Variants in ERG observed in about 807,000 individuals in gnomAD.
ERG encodes transcriptional regulator ERG.
Under a neutral mutation model 55.3 loss-of-function variants are expected in ERG, and 9 were observed. The ratio of observed to expected loss-of-function variants is 0.16; its 90% CI spans 0.10 to 0.28. The LOEUF (loss-of-function observed/expected upper bound fraction) is 0.28, where lower values mean the gene tolerates loss of function less well. Among genes scored for constraint, ERG ranks in the 10% least tolerant of loss-of-function variants. The pLI, the probability that ERG is intolerant of heterozygous loss-of-function variation, is 1.00. For synonymous variants in ERG, 223 were observed against 237.3 expected, an observed-to-expected ratio of 0.94 and a Z score of 0.55; for missense variants, 434 against 631.6, an observed-to-expected ratio of 0.69 and a Z score of 3.35.
rs528654794 is a variant in ERG, at chr21:38,393,366, G to C, written c.746-922C>G. ...AACCTTATTATAATACTCTTGCTAAGAGTGCATAGCTAAGGCTATTTCTAC... is the reference window on the plus strand; with the variant it reads ...AACCTTATTATAATACTCTTGCTAACAGTGCATAGCTAAGGCTATTTCTAC... On this transcript the variant is annotated intron_variant, in intron 6 of 9. Transcript: ENST00000288319. 2.6e-5 allele frequency among the ~76,000 whole-genome samples: 4 copies of C among 152,304 alleles called. No individual in the cohort carries two copies. The South Asian group carries it at 8.3e-4, about 32-fold the overall frequency.
chr21:38,373,766 C>T, the ERG span, among the ~76,000 whole-genome samples: 1 of 152,220 alleles, frequency 6.6e-6, no homozygotes, highest in Non-Finnish European at 1.5e-5. Context: ...AATTCCACAT[C>T]TACTATTGTA....
chr21:38,567,228 G>A (rs2836519), intron 2 of ERG, among the ~76,000 whole-genome samples: 69,210 of 152,052 alleles, frequency 0.46, 18,293 homozygotes, highest in Non-Finnish European at 0.61. Flanking sequence ...CCTGAGGGGT[G>A]CAGGAACCCA....
At chr21:38,386,810 TTAA>T (rs1987711344) in intron 9 of ERG, among the ~76,000 whole-genome samples, 1 of 152,072 alleles carries the variant, frequency 6.6e-6, no homozygotes, top group Non-Finnish European at 1.5e-5. Flanking sequence ...TTACTCTCTC[TTAA>T]TAACATCCTT....
At chr21:38,426,188 G>A (rs1348956576) in intron 2 of ERG, among the ~76,000 whole-genome samples, 1 of 151,706 alleles carries the variant, frequency 6.6e-6, no homozygotes, top group Non-Finnish European at 1.5e-5. Flanking sequence ...CCATGAAGTA[G>A]ATCCTGAATA....
chr21:38,413,425 C>G (rs1989146152), intron 3 of ERG, among the ~76,000 whole-genome samples: 1 of 152,142 alleles, frequency 6.6e-6, no homozygotes, highest in Non-Finnish European at 1.5e-5. Context: ...ATCATCCTAA[C>G]TCATGTTATG....
chr21:38,450,741 G>T (rs796858256), intron 1 of ERG: 9 of 357,760 alleles, frequency 2.5e-5, no homozygotes, highest in African/African-American at 1.9e-4. Context: ...CATTTTATCA[G>T]CTCTGAAATA....
intron 1 of ERG, among the ~76,000 whole-genome samples, chr21:38,611,601 G>A (rs1179976155): frequency 6.6e-6 from 1 of 152,156 alleles, no homozygotes; most frequent in African/African-American, 2.4e-5. Flanking sequence ...TCCAGTGTCA[G>A]TCTTTCCATG....
intron 8 of ERG, 84 bp downstream of exon 8, chr21:38,391,575 C>A: frequency 8.8e-7 from 1 of 1,136,446 alleles, no homozygotes; most frequent in Non-Finnish European, 1.3e-6. Flanking sequence ...ATGTTAATTT[C>A]CATTAAAAAG....
chr21:38,649,273 G>A (rs2060474747), intron 1 of ERG, among the ~76,000 whole-genome samples: 1 of 152,160 alleles, frequency 6.6e-6, no homozygotes, highest in African/African-American at 2.4e-5. Flanking sequence ...CTGTGGCGCT[G>A]CAGCTGAGAG....
Position 38,460,046 on chromosome 21 carries a change from G to A in ERG, c.19-14425C>T, listed in dbSNP as rs1407794852. 6.6e-6 allele frequency among the ~76,000 whole-genome samples: 1 copy of A among 152,212 alleles called. No homozygotes were observed. Among genetic ancestry groups the A allele is most frequent in the Non-Finnish European group, 1.5e-5 (1 of 68,038 alleles). On this transcript the variant is annotated intron_variant, in intron 1 of 9. Transcript: ENST00000288319. The surrounding 1 kb of genome is among the most constrained non-coding windows in gnomAD (Gnocchi z 5.0). ...GGTAAACTGCTGCTTTTCATTTAGA[G>A]TGGCCAGGGTGGTCCTGAGAAAACG...
chr21:38,372,579 T>C, the ERG span, among the ~76,000 whole-genome samples: 1 of 152,032 alleles, frequency 6.6e-6, no homozygotes, highest in Non-Finnish European at 1.5e-5. Context: ...AATTTCTTTT[T>C]TGAAACGTTA....
At chr21:38,564,796 G>T (rs2059913139) in intron 2 of ERG, among the ~76,000 whole-genome samples, 1 of 151,738 alleles carries the variant, frequency 6.6e-6, no homozygotes, top group African/African-American at 2.4e-5. Context: ...TTTCCAACCT[G>T]TATGCATTGG....
intron 2 of ERG, among the ~76,000 whole-genome samples, chr21:38,436,893 T>C (rs570119078): frequency 8.0e-6 from 1 of 125,406 alleles, no homozygotes; most frequent in Admixed American, 8.7e-5. Flanking sequence ...TTTTTTTTCT[T>C]TCTCTCTTTT....
intron 1 of ERG, among the ~76,000 whole-genome samples, chr21:38,449,258 G>GT (rs895390481): frequency 6.6e-6 from 1 of 152,174 alleles, no homozygotes; most frequent in Non-Finnish European, 1.5e-5. Flanking sequence ...TGTGTGGGGT[G>GT]TTTTTTTCTG....
In ERG at chr21:38,383,574, G is replaced by C. The variant is rs1339630794; in HGVS notation, c.1269C>G (p.Ala423=). 6.2e-7 allele frequency: 1 copy of C among 1,605,048 alleles called. No homozygotes were observed. The highest frequency in any genetic ancestry group is 1.1e-5 in the South Asian group (1 of 90,640). The change falls in exon 10 of 10, where the codon GCC becomes GCG. Residue 423 remains alanine (A), a synonymous_variant. Coordinates refer to ENST00000288319, the MANE Select transcript of ERG (RefSeq NM_182918.4). This position sits in a 1 kb window ranked among gnomAD's most constrained non-coding sequence, Gnocchi z 5.7. ...CCACAAAGTTCATCTTCTGTGGGTG[G>C]GCGTGATAGGAGCCCATGTACGGGA... ...SDLPYMGSYH[A]HPQKMNFVAP...
At chr21:38,510,621 T>C (rs1457197502) in intron 2 of ERG, among the ~76,000 whole-genome samples, 1 of 152,196 alleles carries the variant, frequency 6.6e-6, no homozygotes, top group Non-Finnish European at 1.5e-5. Flanking sequence ...CTTGTGCTTC[T>C]TTGTCAGTTA....
At chr21:38,607,230 A>G (rs531811550) in intron 1 of ERG, among the ~76,000 whole-genome samples, 1 of 152,394 alleles carries the variant, frequency 6.6e-6, no homozygotes, top group South Asian at 2.1e-4. Context: ...AGAAATGTTG[A>G]GGGAAAGACC....
intron 1 of ERG, among the ~76,000 whole-genome samples, chr21:38,582,238 G>A (rs12483349): frequency 0.42 from 63,421 of 152,032 alleles, 15,777 homozygotes; most frequent in Non-Finnish European, 0.56. Flanking sequence ...CCCCAATGTT[G>A]TAGCCATGTC....
intron 2 of ERG, among the ~76,000 whole-genome samples, chr21:38,430,815 T>C (rs1990167483): frequency 6.6e-6 from 1 of 152,190 alleles, no homozygotes; most frequent in Non-Finnish European, 1.5e-5. Context: ...AGCCTCCCTA[T>C]GAATAGCTGG....
Sources: gnomAD v4.1 joint callset for allele counts (sites outside exome capture counted in the v4.1 genomes callset) on GRCh38, gnomAD v4.1.1 for gene constraint, Gnocchi (gnomAD v3.1) non-coding constraint, MANE v1.5 for transcripts, NCBI Gene and HGNC (gene_info 2026-07-23, HGNC 2026-07-21) for gene names.